Variants in MRO observed in about 807,000 individuals in gnomAD.
MRO encodes protein maestro.
MRO carries 28 observed loss-of-function variants against 31.0 expected under a neutral mutation model. The ratio of observed to expected loss-of-function variants is 0.90; its 90% confidence interval spans 0.67 to 1.24. The LOEUF (loss-of-function observed/expected upper bound fraction) is 1.24. Ranked by LOEUF, MRO falls within the 50% of genes most tolerant of loss-of-function variation. The probability of loss-of-function intolerance (pLI) is 0.00; values close to 1 mark genes in which losing one functional copy is unlikely to be tolerated. For missense variants in MRO, 332 were observed against 289.2 expected (o/e 1.15, Z -1.07); for synonymous variants, 108 against 108.4 (o/e 1.00, Z 0.02).
intron 3 of MRO, among the ~76,000 whole-genome samples, chr18:50,808,964 C>T (rs190647015): frequency 0.011 from 1,642 of 150,586 alleles, 12 homozygotes; most frequent in Non-Finnish European, 0.017. Context: ...GGTGAAACCC[C>T]GTCTCTACTA....
At chr18:50,821,051 T>C (rs1475328205), upstream of MRO, among the ~76,000 whole-genome samples, 1 of 152,136 alleles carries the variant, frequency 6.6e-6, no homozygotes, top group Admixed American at 6.5e-5. Context: ...ACTAAGGGGC[T>C]ATGAGGAAAG....
chr18:50,809,144 C>CAAAAAAAAAAA lies in MRO; in HGVS notation c.99+147_99+157dup, dbSNP rs61728184. Among the ~76,000 whole-genome samples the CAAAAAAAAAAA allele has an allele frequency of 5.1e-3, 502 of 99,052 alleles. 67 individuals are homozygous for CAAAAAAAAAAA. Among genetic ancestry groups the CAAAAAAAAAAA allele is most frequent in the Non-Finnish European group, 7.3e-3 (379 of 52,046 alleles). 65.0% of individuals were successfully genotyped at this position (99,052 alleles called of 152,430 possible). ...TGGGCGACAGAGCGAGACTCCGTCTCAAAAAAAAAAAAAAAAAAAAAAAAA... is the reference window on the plus strand; with the variant it reads ...TGGGCGACAGAGCGAGACTCCGTCTCAAAAAAAAAAAAAAAAAAAAAAAAAAAAAAAAAAAA... On this transcript the variant is annotated intron_variant, in intron 3 of 7. Transcript: ENST00000398439.
chr18:50,821,226 C>G (rs150165262), upstream of MRO, among the ~76,000 whole-genome samples: 4 of 152,044 alleles, frequency 2.6e-5, no homozygotes, highest in Admixed American at 2.6e-4. Context: ...GTGGCTGGTG[C>G]CAAGTAGTGG....
At position 50,795,178 on chromosome 18, in the gene MRO, T is replaced by C. The variant is rs1912691826; in HGVS notation, c.*4159A>G. On this transcript the variant is annotated 3_prime_UTR_variant, in exon 8 of 8. Coordinates refer to ENST00000398439, the MANE Select transcript of MRO (RefSeq NM_031939.6). Reference sequence around the variant, plus strand: ...GTTATCAAGTTATATTATCAACAGGTTATTGTCATCAACAGATTAAAACAA... The same window carrying C: ...GTTATCAAGTTATATTATCAACAGGCTATTGTCATCAACAGATTAAAACAA... 1 of 152,208 alleles carries C rather than the reference T, an allele frequency of 6.6e-6. No homozygotes were observed. The highest frequency in any genetic ancestry group is 6.5e-5 in the Admixed American group (1 of 15,286). 9.4% of individuals were successfully genotyped at this position (152,208 alleles called of 1,614,324 possible).
At position 50,800,087 on chromosome 18, in the gene MRO, G is replaced by A. The variant is rs1913150538; in HGVS notation, c.642C>T (p.Tyr214=). ...CSPYLKLKEE[Y]SFQSEEDQRN... ...TTTGATCTTCTTCACTCTGGAAGCT[G>A]TATTCCTCCTTTAGTTTCAGATATG... Residue 214 remains tyrosine, a synonymous_variant, in exon 7 of 8, where the codon TAC becomes TAT. Transcript: ENST00000398439. 3.7e-6 allele frequency: 6 copies of A among 1,613,720 alleles called. No individual in the cohort carries two copies. The highest frequency in any genetic ancestry group is 5.1e-6 in the Non-Finnish European group (6 of 1,179,834).
intron 5 of MRO, among the ~76,000 whole-genome samples, chr18:50,802,710 G>GT (rs202173545): frequency 0.033 from 4,942 of 150,794 alleles, 223 homozygotes; most frequent in African/African-American, 0.099. Flanking sequence ...TAGGGTTTTT[G>GT]TTTTTTTTTG....
intron 1 of MRO, 52 bp downstream of exon 1, chr18:50,819,845 T>C: frequency 1.3e-6 from 2 of 1,543,078 alleles, no homozygotes; most frequent in Non-Finnish European, 1.8e-6. Flanking sequence ...GGAATTGTTC[T>C]GGAATGAAAC....
Position 50,799,110 on chromosome 18 carries a change from T to G in MRO, c.*227A>C. Reference sequence around the variant, plus strand: ...AAAGTGTGTACCTGCTCATCAAATTTGTATGGGGAGGAAATGAAATAAGTG... The same window carrying G: ...AAAGTGTGTACCTGCTCATCAAATTGGTATGGGGAGGAAATGAAATAAGTG... On this transcript the variant is annotated 3_prime_UTR_variant, in exon 8 of 8. Transcript: ENST00000398439. 1 of 497,062 alleles carries G rather than the reference T, an allele frequency of 2.0e-6. No individual in the cohort carries two copies. Among genetic ancestry groups the G allele is most frequent in the Non-Finnish European group, 3.6e-6 (1 of 275,830 alleles). The allele number at this position is 497,062 out of a possible 1,614,324, so 30.8% of individuals were successfully genotyped here.
At chr18:50,814,279 CA>C (rs200759988) in intron 2 of MRO, 20,414 of 137,470 alleles carry the variant, frequency 0.15, 1,340 homozygotes, top group Middle Eastern at 0.16. Flanking sequence ...AGATTACCTT[CA>C]AAAAAAAAAA....
At chr18:50,809,475 C>A in intron 2 of MRO, 71 bp from the exon 3 acceptor site, 2 of 1,070,706 alleles carry the variant, frequency 1.9e-6, no homozygotes, top group Admixed American at 1.9e-5. Flanking sequence ...TTGTACAATG[C>A]ATTGTGCTGG....
At chr18:50,821,103 A>G (rs1295391268), upstream of MRO, among the ~76,000 whole-genome samples, 1 of 152,242 alleles carries the variant, frequency 6.6e-6, no homozygotes, top group African/African-American at 2.4e-5. Flanking sequence ...AGCAATAAAT[A>G]GACTAGAAGA....
chr18:50,802,898 T>C (rs866018210), intron 5 of MRO, among the ~76,000 whole-genome samples: 3 of 134,724 alleles, frequency 2.2e-5, no homozygotes, highest in Admixed American at 7.6e-5. Context: ...TAGTGAGTGT[T>C]TGTGTATGTG....
chr18:50,806,971 T>C (rs143372155), intron 3 of MRO, 121 bp from the exon 4 acceptor site: 10,387 of 997,286 alleles, frequency 0.01, 94 homozygotes, highest in Non-Finnish European at 0.011. Flanking sequence ...CCCTTCTTTC[T>C]CCTACTAAAG....
chr18:50,799,146 A>G lies in MRO; in HGVS notation c.*191T>C, dbSNP rs2031476909. Reference sequence around the variant, plus strand: ...GAAATGAAATAAGTGAAAGCAGTCTAGAATTTTACTTTAGATAAAATCATA... The same window carrying G: ...GAAATGAAATAAGTGAAAGCAGTCTGGAATTTTACTTTAGATAAAATCATA... On this transcript the variant is annotated 3_prime_UTR_variant, in exon 8 of 8. Coordinates refer to ENST00000398439, the MANE Select transcript of MRO (RefSeq NM_031939.6). The G allele has an allele frequency of 1.8e-6, 1 of 564,908 alleles. No homozygotes were observed. Among genetic ancestry groups the G allele is most frequent in the African/African-American group, 1.9e-5 (1 of 52,776 alleles). 35.0% of individuals were successfully genotyped at this position (564,908 alleles called of 1,614,324 possible).
intron 3 of MRO, among the ~76,000 whole-genome samples, chr18:50,809,010 C>T (rs1193386268): frequency 2.0e-5 from 3 of 150,212 alleles, no homozygotes; most frequent in South Asian, 2.1e-4. Flanking sequence ...TAGTGGCGGG[C>T]GCCTGTAGTC....
chr18:50,818,523 G>A (rs909789695), intron 2 of MRO, among the ~76,000 whole-genome samples: 1 of 152,148 alleles, frequency 6.6e-6, no homozygotes, highest in African/African-American at 2.4e-5. Context: ...ACATGGATTT[G>A]GGGTAACTTA....
In MRO at chr18:50,799,803, C is replaced by A. The variant is rs1555667024; in HGVS notation, c.693+233G>T. The stretch of plus-strand genomic sequence containing the variant: ...GTGCACGCCTGTAATCTCAGCTACT[C>A]AAGAAGCTGAGGCACGAGAATCACT... On this transcript the variant is annotated intron_variant, in intron 7 of 7. Coordinates refer to ENST00000398439, the MANE Select transcript of MRO (RefSeq NM_031939.6). Among the ~76,000 whole-genome samples, 2 of 152,124 alleles carry A rather than the reference C, an allele frequency of 1.3e-5. 1 individual carries two copies. The highest frequency in any genetic ancestry group is 4.1e-4 in the South Asian group (2 of 4,832).
intron 4 of MRO, among the ~76,000 whole-genome samples, chr18:50,805,619 T>A (rs747210856): frequency 2.6e-5 from 4 of 152,010 alleles, no homozygotes; most frequent in Non-Finnish European, 5.9e-5. Flanking sequence ...ACCTGGGTGA[T>A]CTCAGGGCCT....
At position 50,798,643 on chromosome 18, in the gene MRO, C is replaced by T. The variant is rs752110756; in HGVS notation, c.*694G>A. 2.0e-5 allele frequency: 3 copies of T among 152,106 alleles called. No homozygotes were observed. The highest frequency in any genetic ancestry group is 6.6e-5 in the Admixed American group (1 of 15,260). The allele number at this position is 152,106 out of a possible 1,614,324, so 9.4% of individuals were successfully genotyped here. On this transcript the variant is annotated 3_prime_UTR_variant, in exon 8 of 8. Coordinates refer to ENST00000398439, the MANE Select transcript of MRO (RefSeq NM_031939.6). ...TAGAACTTACAAAAAGCACTTTGACCGTGCCCACTGAATTGTAAGCACTCG... is the reference window on the plus strand; with the variant it reads ...TAGAACTTACAAAAAGCACTTTGACTGTGCCCACTGAATTGTAAGCACTCG...
Sources: gnomAD v4.1 joint callset for allele counts (sites outside exome capture counted in the v4.1 genomes callset) on GRCh38, gnomAD v4.1.1 for gene constraint, MANE v1.5 for transcripts, NCBI Gene and HGNC (gene_info 2026-07-23, HGNC 2026-07-21) for gene names.